MCC: variants seen among roughly 807,000 people sequenced by gnomAD.
The protein encoded by MCC is colorectal mutant cancer protein.
A neutral mutation model predicts 116.2 loss-of-function variants in MCC; 90 were observed. The ratio of observed to expected loss-of-function variants is 0.77; its 90% confidence interval spans 0.65 to 0.92. The LOEUF (loss-of-function observed/expected upper bound fraction) is 0.92. Ranked by LOEUF, MCC falls within the 40% of genes least tolerant of loss-of-function variation. The probability of loss-of-function intolerance (pLI) is 0.00; values close to 1 mark genes in which losing one functional copy is unlikely to be tolerated. For missense variants in MCC, 1,516 were observed against 1,312.2 expected (o/e 1.16, Z -2.40); for synonymous variants, 578 against 510.5 (o/e 1.13, Z -1.78).
chr5:113,123,171 C>G (rs907329552), intron 5 of MCC, among the ~76,000 whole-genome samples: 4 of 152,228 alleles, frequency 2.6e-5, no homozygotes, highest in African/African-American at 9.6e-5. Context: ...AGCACTGAGG[C>G]TGCTGTGAAC....
At chr5:113,323,708 G>A (rs1476544040) in intron 3 of MCC, among the ~76,000 whole-genome samples, 1 of 152,146 alleles carries the variant, frequency 6.6e-6, no homozygotes, top group Non-Finnish European at 1.5e-5. Context: ...GAAGACTAAT[G>A]CAATTCTCTC....
At chr5:113,197,349 C>T (rs888452621) in intron 3 of MCC, among the ~76,000 whole-genome samples, 4 of 151,674 alleles carry the variant, frequency 2.6e-5, no homozygotes, top group African/African-American at 4.9e-5. Flanking sequence ...AGGTAGGTAG[C>T]GGGGAAAGAA....
chr5:113,071,329 G>A (rs534000294), intron 11 of MCC, 95 bp from the exon 12 acceptor site: 3 of 1,326,084 alleles, frequency 2.3e-6, no homozygotes, highest in East Asian at 2.4e-5. Context: ...AAAAGCATGT[G>A]AGGATGTGGG....
intron 3 of MCC, among the ~76,000 whole-genome samples, chr5:113,333,124 A>C (rs1425727312): frequency 6.6e-6 from 1 of 151,690 alleles, no homozygotes; most frequent in East Asian, 1.9e-4. Context: ...AAACACAAGA[A>C]GCTGATCAAG....
At chr5:113,136,518 A>C (rs1040915868) in intron 5 of MCC, among the ~76,000 whole-genome samples, 5 of 152,122 alleles carry the variant, frequency 3.3e-5, no homozygotes, top group East Asian at 3.8e-4. Context: ...TAAGAATCAA[A>C]ATTTATTTAT....
intron 18 of MCC, among the ~76,000 whole-genome samples, chr5:113,028,577 A>C (rs1448183926): frequency 6.6e-6 from 1 of 152,212 alleles, no homozygotes; most frequent in Non-Finnish European, 1.5e-5. Flanking sequence ...TGTGTTGCTC[A>C]AATAAATTCC....
chr5:113,145,969 G>A (rs192535825), intron 4 of MCC, among the ~76,000 whole-genome samples: 1 of 152,148 alleles, frequency 6.6e-6, no homozygotes. Context: ...ATGGAATAGG[G>A]CTTGTAGCTA....
chr5:113,338,329 T>G (rs549052498), intron 3 of MCC, among the ~76,000 whole-genome samples: 52 of 152,088 alleles, frequency 3.4e-4, no homozygotes, highest in African/African-American at 1.2e-3. Context: ...GACTGTGGGG[T>G]ATGTGAGAGC....
At chr5:113,172,651 C>T (rs879679241) in intron 3 of MCC, among the ~76,000 whole-genome samples, 2 of 152,160 alleles carry the variant, frequency 1.3e-5, no homozygotes, top group Non-Finnish European at 2.9e-5. Context: ...ATGTGCTGGG[C>T]GTACCATAAC....
intron 17 of MCC, among the ~76,000 whole-genome samples, chr5:113,040,410 G>A (rs550416650): frequency 5.9e-5 from 9 of 152,112 alleles, no homozygotes; most frequent in South Asian, 2.1e-4. Context: ...TTCCCTTAGC[G>A]ACACCTGATC....
chr5:113,351,820 A>G (rs894141744), intron 2 of MCC, among the ~76,000 whole-genome samples: 2 of 152,252 alleles, frequency 1.3e-5, no homozygotes, highest in South Asian at 4.1e-4. Context: ...AAATATATAT[A>G]CCTAAATGTA....
chr5:113,141,656 A>C (rs1392675500), intron 5 of MCC, among the ~76,000 whole-genome samples: 1 of 152,234 alleles, frequency 6.6e-6, no homozygotes, highest in Non-Finnish European at 1.5e-5. Flanking sequence ...GCTCATTTAC[A>C]TAACAAAAAC....
At chr5:113,171,455 A>C (rs1226792982) in intron 3 of MCC, among the ~76,000 whole-genome samples, 2 of 151,830 alleles carry the variant, frequency 1.3e-5, no homozygotes, top group African/African-American at 2.4e-5. Flanking sequence ...CCTGGGTTCA[A>C]GCTATTCTGG....
chr5:113,475,540 T>A (rs1411049432), intron 1 of MCC, among the ~76,000 whole-genome samples: 2 of 152,224 alleles, frequency 1.3e-5, no homozygotes, highest in Non-Finnish European at 2.9e-5. Flanking sequence ...AACTGGCATT[T>A]TGAAATGACA....
At chr5:113,314,331 T>C (rs1002696566) in intron 3 of MCC, among the ~76,000 whole-genome samples, 2 of 152,248 alleles carry the variant, frequency 1.3e-5, no homozygotes, top group South Asian at 2.1e-4. Flanking sequence ...GAGTGAAGGC[T>C]GGATGACTGT....
At chr5:113,185,588 T>C (rs1761861520) in intron 3 of MCC, among the ~76,000 whole-genome samples, 1 of 151,860 alleles carries the variant, frequency 6.6e-6, no homozygotes, top group Admixed American at 6.5e-5. Context: ...GACAAAAAGG[T>C]AAGAAAGAGA....
At chr5:113,276,577 G>A (rs961584312) in intron 3 of MCC, among the ~76,000 whole-genome samples, 1 of 152,048 alleles carries the variant, frequency 6.6e-6, no homozygotes, top group Non-Finnish European at 1.5e-5. Flanking sequence ...TTACTCAGTC[G>A]TTAACTGTAT....
At chr5:113,424,132 T>TACAC (rs547192248) in intron 1 of MCC, among the ~76,000 whole-genome samples, 9,635 of 112,562 alleles carry the variant, frequency 0.086, 634 homozygotes, top group Non-Finnish European at 0.096. Context: ...AGTCATCCTC[T>TACAC]ACACACACAC....
intron 3 of MCC, among the ~76,000 whole-genome samples, chr5:113,330,619 T>C (rs1372257232): frequency 6.6e-6 from 1 of 152,210 alleles, no homozygotes; most frequent in Non-Finnish European, 1.5e-5. Flanking sequence ...TATAAAATAC[T>C]TCAGACATAA....
Sources: gnomAD v4.1 joint callset for allele counts (sites outside exome capture counted in the v4.1 genomes callset) on GRCh38, gnomAD v4.1.1 for gene constraint, MANE v1.5 for transcripts, NCBI Gene and HGNC (gene_info 2026-07-23, HGNC 2026-07-21) for gene names.